Variants in CACNB2 observed in about 807,000 individuals in gnomAD.
The protein encoded by CACNB2 is voltage-dependent L-type calcium channel subunit beta-2.
In CACNB2, 42 loss-of-function variants were observed where a neutral mutation model predicts 73.3. That is an observed-to-expected ratio of 0.57 (90% CI 0.45 to 0.74). The LOEUF is 0.74. Among genes scored for constraint, CACNB2 ranks in the 30% least tolerant of loss-of-function variants. The pLI is 0.00. For synonymous variants in CACNB2, 348 were observed against 310.3 expected (o/e 1.12, Z -1.28); for missense variants, 940 against 853.0 (o/e 1.10, Z -1.27).
intron 2 of CACNB2, among the ~76,000 whole-genome samples, chr10:18,203,869 A>G (rs1229556720): frequency 6.6e-6 from 1 of 152,204 alleles, no homozygotes; most frequent in East Asian, 1.9e-4. Context: ...AAAATTTTTC[A>G]CAATCCATGT....
intron 2 of CACNB2, among the ~76,000 whole-genome samples, chr10:18,229,979 T>C (rs2036162643): frequency 6.6e-6 from 1 of 152,224 alleles, no homozygotes; most frequent in Non-Finnish European, 1.5e-5. Context: ...TTGTGATTTA[T>C]TCCTCCATAA....
chr10:18,388,964 T>C (rs575007275), intron 2 of CACNB2, among the ~76,000 whole-genome samples: 1 of 152,162 alleles, frequency 6.6e-6, no homozygotes, highest in South Asian at 2.1e-4. Flanking sequence ...ACAGAAAATA[T>C]GTATAAATCA....
In CACNB2 at chr10:18,494,070, G is replaced by A. The variant is rs371728970; in HGVS notation, c.334-4285G>A. Among the ~76,000 whole-genome samples the A allele has an allele frequency of 5.5e-4, 83 of 152,274 alleles. 2 individuals carry two copies. Among genetic ancestry groups the A allele is most frequent in the African/African-American group, 2.0e-3 (82 of 41,562 alleles). ...GGAGGTGAGGCAAGAAAGGAGGCAC[G>A]TTCCAACTTAACATCTTAATCTAAG... On this transcript the variant is annotated intron_variant, in intron 3 of 13. Coordinates refer to ENST00000324631, the MANE Select transcript of CACNB2 (RefSeq NM_201596.3).
intron 2 of CACNB2, among the ~76,000 whole-genome samples, chr10:18,328,460 A>G (rs1052719074): frequency 2.0e-5 from 3 of 152,274 alleles, no homozygotes; most frequent in African/African-American, 7.2e-5. Flanking sequence ...TAGGTATCAT[A>G]CTCATTATAT....
chr10:18,261,045 C>T (rs2037513573), intron 2 of CACNB2: 7 of 1,386,046 alleles, frequency 5.1e-6, no homozygotes, highest in Non-Finnish European at 5.6e-6. Flanking sequence ...CAAATTACGC[C>T]CCCCACCCCC....
chr10:18,298,876 C>G (rs543747367), intron 2 of CACNB2, among the ~76,000 whole-genome samples: 2 of 151,854 alleles, frequency 1.3e-5, no homozygotes, highest in African/African-American at 4.8e-5. Context: ...TGTGGGCACA[C>G]CTTTGAGCTC....
intron 3 of CACNB2, among the ~76,000 whole-genome samples, chr10:18,413,424 C>G (rs2044751046): frequency 6.6e-6 from 1 of 152,200 alleles, no homozygotes; most frequent in South Asian, 2.1e-4. Context: ...TGTCTTTGGT[C>G]TTCGCCTCTC....
chr10:18,220,165 A>AGACACC (rs2035691883), intron 2 of CACNB2, among the ~76,000 whole-genome samples: 1 of 86,424 alleles, frequency 1.2e-5, no homozygotes, highest in African/African-American at 7.1e-5. Context: ...ACACACACAC[A>AGACACC]CACACACATA....
chr10:18,503,457 G>A (rs537042508), intron 5 of CACNB2, among the ~76,000 whole-genome samples: 8 of 152,134 alleles, frequency 5.3e-5, no homozygotes, highest in Admixed American at 3.3e-4. Context: ...CTAGCTGGGT[G>A]TGGTGGTGCA....
chr10:18,142,313 C>T (rs1464673765), intron 1 of CACNB2, among the ~76,000 whole-genome samples: 1 of 152,186 alleles, frequency 6.6e-6, no homozygotes, highest in Non-Finnish European at 1.5e-5. Context: ...GATTTTGGTC[C>T]ACCCTGGGCT....
At chr10:18,508,049 A>T (rs1419563305) in intron 6 of CACNB2, among the ~76,000 whole-genome samples, 1 of 152,120 alleles carries the variant, frequency 6.6e-6, no homozygotes, top group Non-Finnish European at 1.5e-5. Flanking sequence ...TGTTGGGATG[A>T]CAGGCATGAG....
At chr10:18,410,008 A>G (rs375917889) in intron 3 of CACNB2, among the ~76,000 whole-genome samples, 116 of 152,242 alleles carry the variant, frequency 7.6e-4, no homozygotes, top group Admixed American at 2.2e-3. Context: ...GAGAAAGTGG[A>G]TTCTGATAAG....
intron 10 of CACNB2, among the ~76,000 whole-genome samples, chr10:18,533,521 A>T (rs911003400): frequency 2.0e-5 from 3 of 152,198 alleles, no homozygotes; most frequent in African/African-American, 7.2e-5. Flanking sequence ...CTTTTAAAAC[A>T]TGACTACTTT....
intron 2 of CACNB2, among the ~76,000 whole-genome samples, chr10:18,158,487 C>A (rs964572263): frequency 5.9e-5 from 9 of 152,082 alleles, no homozygotes; most frequent in Non-Finnish European, 1.3e-4. Context: ...AGGTTGTCTT[C>A]AATTCCCGTA....
intron 2 of CACNB2, chr10:18,401,185 G>T: frequency 6.8e-7 from 1 of 1,476,218 alleles, no homozygotes; most frequent in Non-Finnish European, 9.4e-7. Context: ...TAGAGAGGGT[G>T]GTTTGATTTG....
At chr10:18,335,824 C>CACACAT (rs2040983610) in intron 2 of CACNB2, among the ~76,000 whole-genome samples, 2 of 146,080 alleles carry the variant, frequency 1.4e-5, no homozygotes, top group Admixed American at 6.9e-5. Context: ...CACACACACA[C>CACACAT]ATACACACAC....
At chr10:18,185,729 AT>A (rs1354649190) in intron 2 of CACNB2, among the ~76,000 whole-genome samples, 1 of 152,174 alleles carries the variant, frequency 6.6e-6, no homozygotes, top group Non-Finnish European at 1.5e-5. Context: ...TGGGATTCCC[AT>A]TTGCGTAGCT....
chr10:18,432,420 C>T lies in CACNB2; in HGVS notation c.333+30377C>T, dbSNP rs1006307124. ...ATAAGTTAAAACTTAACACAAATTG[C>T]ACTCTGTGGAGGGATGGATGTGTGT... On this transcript the variant is annotated intron_variant, in intron 3 of 13. Coordinates refer to ENST00000324631, the MANE Select transcript of CACNB2 (RefSeq NM_201596.3). Among the ~76,000 whole-genome samples the T allele has an allele frequency of 2.0e-5, 3 of 147,954 alleles. No homozygotes were observed. The Admixed American group carries it at 2.0e-4, about 10-fold the overall frequency.
chr10:18,518,837 G>A, intron 8 of CACNB2, 73 bp from the exon 9 acceptor site: 2 of 1,337,914 alleles, frequency 1.5e-6, no homozygotes, highest in African/African-American at 2.9e-5. Flanking sequence ...ATTCCTAAGA[G>A]AAGTAAAATT....
Sources: allele counts gnomAD v4.1 joint callset (sites outside exome capture counted in the v4.1 genomes callset), GRCh38; gene constraint gnomAD v4.1.1; transcripts MANE v1.5; gene names NCBI Gene and HGNC (gene_info 2026-07-23, HGNC 2026-07-21).